The following YWHAE variants were observed in gnomAD, a reference collection of about 807,000 sequenced individuals.
YWHAE encodes 14-3-3 protein epsilon.
A neutral mutation model predicts 30.1 loss-of-function variants in YWHAE; 4 were observed. The observed-to-expected ratio is 0.13, with a 90% CI of 0.07 to 0.30. The LOEUF (loss-of-function observed/expected upper bound fraction) is 0.30. Among genes scored for constraint, YWHAE ranks in the 10% least tolerant of loss-of-function variants. YWHAE has a pLI of 1.00. For missense variants in YWHAE, 121 were observed against 315.9 expected, an observed-to-expected ratio of 0.38 and a Z score of 4.68; for synonymous variants, 118 against 111.8, an observed-to-expected ratio of 1.06 and a Z score of -0.35.
chr17:1,362,277 TACCACA>T (rs2072876429), intron 2 of YWHAE, among the ~76,000 whole-genome samples: 3 of 152,074 alleles, frequency 2.0e-5, no homozygotes, highest in African/African-American at 7.2e-5. Flanking sequence ...CCCTTCACAG[TACCACA>T]GTACAGCTAC....
intron 1 of YWHAE, among the ~76,000 whole-genome samples, chr17:1,371,098 G>T (rs2073036376): frequency 6.6e-6 from 1 of 151,822 alleles, no homozygotes; most frequent in South Asian, 2.1e-4. Context: ...GTGTGTGTGT[G>T]TTTTGAAACA....
intron 1 of YWHAE, among the ~76,000 whole-genome samples, chr17:1,369,334 A>G (rs909921520): frequency 1.3e-5 from 2 of 152,110 alleles, no homozygotes; most frequent in Non-Finnish European, 2.9e-5. Flanking sequence ...TCTCTACTAA[A>G]AATACAAAAA....
chr17:1,387,671 G>C (rs899557962), intron 1 of YWHAE, among the ~76,000 whole-genome samples: 6 of 152,066 alleles, frequency 3.9e-5, no homozygotes, highest in African/African-American at 7.2e-5. Context: ...TCCCAGGCTG[G>C]AGTGCAGTGC....
At chr17:1,397,557 C>T (rs953655374) in intron 1 of YWHAE, among the ~76,000 whole-genome samples, 3 of 152,104 alleles carry the variant, frequency 2.0e-5, no homozygotes, top group Non-Finnish European at 4.4e-5. Flanking sequence ...AAGCCTGCTG[C>T]AGTAACAGAG....
intron 1 of YWHAE, among the ~76,000 whole-genome samples, chr17:1,388,967 T>C (rs1015334575): frequency 4.6e-5 from 7 of 152,188 alleles, no homozygotes; most frequent in African/African-American, 1.7e-4. Context: ...CCACTAAATC[T>C]TTCTCCTTTC....
chr17:1,383,584 C>T (rs982423055), intron 1 of YWHAE, among the ~76,000 whole-genome samples: 1 of 150,618 alleles, frequency 6.6e-6, no homozygotes, highest in African/African-American at 2.4e-5. Context: ...AGATGGGTTT[C>T]GCCATGTTGG....
intron 1 of YWHAE, among the ~76,000 whole-genome samples, chr17:1,382,741 C>T (rs578180186): frequency 1.3e-5 from 2 of 152,092 alleles, no homozygotes; most frequent in African/African-American, 4.8e-5. Flanking sequence ...AAATGAAAAA[C>T]AGGCCAGGTG....
chr17:1,370,287 CAG>C (rs1438458722), intron 1 of YWHAE, among the ~76,000 whole-genome samples: 3 of 151,404 alleles, frequency 2.0e-5, no homozygotes, highest in East Asian at 3.9e-4. Flanking sequence ...TCACCATGCC[CAG>C]TGAATTTTTT....
chr17:1,373,254 CA>C (rs1163453540), intron 1 of YWHAE, among the ~76,000 whole-genome samples: 1 of 151,706 alleles, frequency 6.6e-6, no homozygotes, highest in Non-Finnish European at 1.5e-5. Context: ...AAAAAACAAG[CA>C]AAAAAAGGAA....
At chr17:1,384,741 T>G (rs1176290865) in intron 1 of YWHAE, among the ~76,000 whole-genome samples, 1 of 151,982 alleles carries the variant, frequency 6.6e-6, no homozygotes, top group Non-Finnish European at 1.5e-5. Flanking sequence ...GTTTTTCTCT[T>G]GTTGCTCAGG....
At chr17:1,383,737 T>A (rs2073253728) in intron 1 of YWHAE, among the ~76,000 whole-genome samples, 1 of 152,154 alleles carries the variant, frequency 6.6e-6, no homozygotes, top group Non-Finnish European at 1.5e-5. Flanking sequence ...AATTTTGTGC[T>A]GCACAATCGT....
chr17:1,352,855 A>G (rs1051015580), intron 5 of YWHAE, among the ~76,000 whole-genome samples: 4 of 152,148 alleles, frequency 2.6e-5, no homozygotes, highest in Non-Finnish European at 4.4e-5. Flanking sequence ...AAGGAACCGC[A>G]GCTAAAACTG....
At chr17:1,384,281 T>A (rs1023597899) in intron 1 of YWHAE, among the ~76,000 whole-genome samples, 1 of 143,920 alleles carries the variant, frequency 6.9e-6, no homozygotes, top group Admixed American at 7.1e-5. Flanking sequence ...GACGCAGAGG[T>A]GGGAGGATTG....
chr17:1,367,674 G>A (rs1308730869), intron 1 of YWHAE, among the ~76,000 whole-genome samples: 2 of 152,080 alleles, frequency 1.3e-5, no homozygotes, highest in Non-Finnish European at 2.9e-5. Context: ...AGAGGAGACG[G>A]GAGGGGAGAA....
intron 2 of YWHAE, among the ~76,000 whole-genome samples, chr17:1,363,784 C>G (rs1231740630): frequency 1.3e-5 from 2 of 152,046 alleles, no homozygotes; most frequent in African/African-American, 4.8e-5. Context: ...CTTCCCTCCC[C>G]CAACCAACCT....
chr17:1,393,963 A>C (rs986849249), intron 1 of YWHAE, among the ~76,000 whole-genome samples: 1 of 152,190 alleles, frequency 6.6e-6, no homozygotes, highest in South Asian at 2.1e-4. Context: ...CATGGATATC[A>C]GTCATCACAA....
At chr17:1,355,213 G>C (rs1263385911) in intron 4 of YWHAE, among the ~76,000 whole-genome samples, 13 of 126,578 alleles carry the variant, frequency 1.0e-4, no homozygotes, top group South Asian at 5.4e-4. Flanking sequence ...CTGGAGTGCA[G>C]TGGCGGGATG....
intron 1 of YWHAE, among the ~76,000 whole-genome samples, chr17:1,378,357 G>C (rs1342719765): frequency 6.6e-6 from 1 of 152,106 alleles, no homozygotes; most frequent in Admixed American, 6.6e-5. Context: ...AATAAAATTA[G>C]GCAAAAGCTT....
chr17:1,394,825 G>A (rs528384097), intron 1 of YWHAE, among the ~76,000 whole-genome samples: 313 of 151,050 alleles, frequency 2.1e-3, no homozygotes, highest in Admixed American at 4.4e-3. Flanking sequence ...AAATTAGCCA[G>A]GTGCGATGGC....
Sources: allele counts gnomAD v4.1 joint callset (sites outside exome capture counted in the v4.1 genomes callset), GRCh38; gene constraint gnomAD v4.1.1; transcripts MANE v1.5; gene names NCBI Gene and HGNC (gene_info 2026-07-23, HGNC 2026-07-21).